PHLPP1: variants seen among roughly 807,000 people sequenced by gnomAD.
PHLPP1 encodes the protein PH domain leucine-rich repeat-containing protein phosphatase 1.
In PHLPP1, 42 loss-of-function variants were observed where a neutral mutation model predicts 117.2. The observed-to-expected ratio is 0.36, with a 90% confidence interval of 0.28 to 0.46. The LOEUF is 0.46. Ranked by LOEUF, PHLPP1 falls within the 20% of genes least tolerant of loss-of-function variation. The pLI, the probability that PHLPP1 is intolerant of heterozygous loss-of-function variation, is 1.00. For synonymous variants in PHLPP1, 1,042 were observed against 970.7 expected (o/e 1.07, Z -1.37); for missense variants, 2,084 against 2,241.9 (o/e 0.93, Z 1.42).
In PHLPP1 at chr18:62,905,301, T is replaced by C. The variant is rs1485348311; in HGVS notation, c.2708+17T>C. The C allele has an allele frequency of 1.5e-6, 2 of 1,321,406 alleles. No individual in the cohort carries two copies. Among genetic ancestry groups the C allele is most frequent in the Non-Finnish European group, 2.0e-6 (2 of 985,010 alleles). 81.9% of individuals were successfully genotyped at this position (1,321,406 alleles called of 1,614,324 possible). On this transcript the variant is annotated intron_variant, in intron 8 of 16. Coordinates refer to ENST00000262719, the MANE Select transcript of PHLPP1 (RefSeq NM_194449.4). ...TGTTTCAAGGTAAGAAGTCAAGTCT[T>C]AGAGCCCTCTAGAGTCTACTAGAAA... is the stretch of plus-strand genomic sequence containing the variant.
intron 1 of PHLPP1, among the ~76,000 whole-genome samples, chr18:62,766,076 A>AAAAATATATATATATATATATAT: frequency 3.7e-4 from 8 of 21,656 alleles, no homozygotes; most frequent in African/African-American, 4.5e-4. Context: ...AAAAAAAAAA[A>AAAAATATATATATATATATATAT]ATATATATAT....
intron 1 of PHLPP1, among the ~76,000 whole-genome samples, chr18:62,769,925 T>G (rs1398225805): frequency 6.6e-6 from 1 of 152,206 alleles, no homozygotes; most frequent in Admixed American, 6.5e-5. Flanking sequence ...ATGCCATGCT[T>G]GAAGAACTTT....
chr18:62,804,648 A>G (rs1375911483), intron 1 of PHLPP1, among the ~76,000 whole-genome samples: 2 of 152,002 alleles, frequency 1.3e-5, no homozygotes, highest in Non-Finnish European at 2.9e-5. Flanking sequence ...TGCTAGTTAT[A>G]TATGTTACAG....
Position 62,978,148 on chromosome 18 carries a change from C to T in PHLPP1, c.3985-114C>T. ...GCCCTTCTTTCCTCTGTGGGCCACA[C>T]AGCACTTCTCTGTGGTCCTACAGTC... On this transcript the variant is annotated intron_variant, in intron 16 of 16. Transcript: ENST00000262719. The surrounding 1 kb of genome is among the most constrained non-coding windows in gnomAD (Gnocchi z 7.0). 1.6e-6 allele frequency: 1 copy of T among 627,778 alleles called. No homozygotes were observed. The highest frequency in any genetic ancestry group is 2.8e-6 in the Non-Finnish European group (1 of 351,874). The allele number at this position is 627,778 out of a possible 1,614,324, so 38.9% of individuals were successfully genotyped here. A position where few individuals can be genotyped will look rare whatever the true frequency, so the allele number is the denominator to read the frequency against.
rs915682044 is a variant in PHLPP1, at chr18:62,716,970, C to A, written c.1287C>A (p.Ala429=). Residue 429 remains alanine, a synonymous_variant, in exon 1 of 17, where the codon GCC becomes GCA. Transcript: ENST00000262719. This position sits in a 1 kb window ranked among gnomAD's most constrained non-coding sequence, Gnocchi z 5.7. The stretch of plus-strand genomic sequence containing the variant: ...GGGCCATTGACAGCCCGGGCGGGGC[C>A]GTCCGCGAGGGGTCGTGCGAGGAGA... ...APRAIDSPGG[A]VREGSCEEKA... The A allele has an allele frequency of 1.1e-4, 174 of 1,540,054 alleles. No individual in the cohort carries two copies. The highest frequency in any genetic ancestry group is 1.5e-4 in the Non-Finnish European group (168 of 1,146,046).
intron 1 of PHLPP1, among the ~76,000 whole-genome samples, chr18:62,805,316 G>C (rs902659150): frequency 6.7e-6 from 1 of 149,186 alleles, no homozygotes; most frequent in Admixed American, 6.7e-5. Flanking sequence ...TACATATACA[G>C]TGTAATATAC....
At chr18:62,913,112 A>G (rs1237662083) in intron 8 of PHLPP1, among the ~76,000 whole-genome samples, 2 of 152,186 alleles carry the variant, frequency 1.3e-5, no homozygotes, top group East Asian at 1.9e-4. Context: ...AATCTTCACT[A>G]TAACACACTA....
At chr18:62,752,841 A>G (rs1440574722) in intron 1 of PHLPP1, among the ~76,000 whole-genome samples, 2 of 152,252 alleles carry the variant, frequency 1.3e-5, no homozygotes, top group African/African-American at 4.8e-5. Context: ...CTGACCATGC[A>G]GTTAAAAACA....
intron 1 of PHLPP1, among the ~76,000 whole-genome samples, chr18:62,777,812 G>A (rs1184479320): frequency 6.6e-6 from 1 of 152,152 alleles, no homozygotes; most frequent in Non-Finnish European, 1.5e-5. Flanking sequence ...AGTGCTCGTT[G>A]TTTTTGTCTC....
chr18:62,921,584 T>G (rs1599122092), intron 10 of PHLPP1, among the ~76,000 whole-genome samples: 1 of 152,224 alleles, frequency 6.6e-6, no homozygotes, highest in Non-Finnish European at 1.5e-5. Flanking sequence ...TTAATTATAG[T>G]TTTATCATCA....
In PHLPP1 at chr18:62,715,700, C is replaced by T. The variant is rs756047746; in HGVS notation, c.17C>T (p.Ala6Val). The T allele has an allele frequency of 2.3e-6, 3 of 1,287,336 alleles. No individual in the cohort carries two copies. The highest frequency in any genetic ancestry group is 3.1e-5 in the African/African-American group (2 of 64,936). The allele number at this position is 1,287,336 out of a possible 1,614,324, so 79.7% of individuals were successfully genotyped here. The part of the protein sequence containing the change: MEPAA[A>V]ATVQRLPELG... ...CCCACTGCAATGGAGCCCGCCGCCG[C>T]GGCCACGGTACAGCGACTCCCCGAG... Residue 6 changes from alanine (A) to valine (V), a missense_variant, in exon 1 of 17, where the codon GCG (alanine) becomes GTG (valine). By Grantham distance (64) the Ala-to-Val change is moderately conservative. This residue lies in a region of PHLPP1 where 719 missense variants were observed against 636.0 expected (regional missense o/e 1.13). Coordinates refer to ENST00000262719, the MANE Select transcript of PHLPP1 (RefSeq NM_194449.4).
chr18:62,847,990 G>A (rs1190854779), intron 3 of PHLPP1, among the ~76,000 whole-genome samples: 2 of 152,204 alleles, frequency 1.3e-5, no homozygotes, highest in East Asian at 3.8e-4. Flanking sequence ...CCCTTGCACT[G>A]CCCTGTCTGC....
intron 1 of PHLPP1, among the ~76,000 whole-genome samples, chr18:62,786,716 G>A (rs1336463331): frequency 6.6e-6 from 1 of 152,176 alleles, no homozygotes; most frequent in Admixed American, 6.5e-5. Context: ...GCTTTTAATA[G>A]TAGCTACACT....
In PHLPP1 at chr18:62,887,981, C is replaced by G. The variant is rs531160631; in HGVS notation, c.2067-7030C>G. On this transcript the variant is annotated intron_variant, in intron 4 of 16. Coordinates refer to ENST00000262719, the MANE Select transcript of PHLPP1 (RefSeq NM_194449.4). The stretch of plus-strand genomic sequence containing the variant: ...TCTTGGACTCCTGGGCTCAAACAGT[C>G]CTCCCTCCTTTGTTTGCCTCCCCAA... Among the ~76,000 whole-genome samples, 3 of 152,188 alleles carry G rather than the reference C, an allele frequency of 2.0e-5. No homozygotes were observed. The South Asian group carries it at 6.2e-4, about 32-fold the overall frequency.
At chr18:62,970,285 T>C (rs1478690983) in intron 14 of PHLPP1, among the ~76,000 whole-genome samples, 1 of 152,228 alleles carries the variant, frequency 6.6e-6, no homozygotes, top group African/African-American at 2.4e-5. Context: ...TCTGCTTCCA[T>C]CTATGTTATA....
In PHLPP1 at chr18:62,939,247, C is replaced by G. The variant is rs189468557; in HGVS notation, c.2961-2471C>G. Among the ~76,000 whole-genome samples the G allele has an allele frequency of 1.0e-3, 156 of 152,164 alleles. 1 individual carries two copies. The highest frequency in any genetic ancestry group is 3.6e-3 in the African/African-American group (148 of 41,512). Reference sequence around the variant, plus strand: ...ACCTCAGGTGATCCACCCGCCTCAGCCACCCAAAGTGCTGGGATTACAGGT... The same window carrying G: ...ACCTCAGGTGATCCACCCGCCTCAGGCACCCAAAGTGCTGGGATTACAGGT... On this transcript the variant is annotated intron_variant, in intron 10 of 16. Coordinates refer to ENST00000262719, the MANE Select transcript of PHLPP1 (RefSeq NM_194449.4).
chr18:62,859,731 C>T (rs1182704874), intron 3 of PHLPP1, among the ~76,000 whole-genome samples: 1 of 152,126 alleles, frequency 6.6e-6, no homozygotes, highest in Non-Finnish European at 1.5e-5. Flanking sequence ...TCTGAATTCT[C>T]TTTCTGTCGG....
intron 4 of PHLPP1, among the ~76,000 whole-genome samples, chr18:62,880,369 T>C (rs1043319586): frequency 6.6e-6 from 1 of 152,216 alleles, no homozygotes; most frequent in African/African-American, 2.4e-5. Context: ...TTGATATAGA[T>C]GCTATTTGGT....
At chr18:62,737,813 G>A (rs1167427184) in intron 1 of PHLPP1, among the ~76,000 whole-genome samples, 1 of 151,754 alleles carries the variant, frequency 6.6e-6, no homozygotes, top group African/African-American at 2.4e-5. Context: ...TTAGATGAAG[G>A]TCTACACGAG....
Sources: allele counts gnomAD v4.1 joint callset (sites outside exome capture counted in the v4.1 genomes callset), GRCh38; gene constraint gnomAD v4.1.1; regional missense constraint gnomAD v4.1.1; non-coding constraint Gnocchi (gnomAD v3.1); transcripts MANE v1.5; gene names NCBI Gene and HGNC (gene_info 2026-07-23, HGNC 2026-07-21).